Variants in ANKRD44 observed in about 807,000 individuals in gnomAD.
ANKRD44 encodes the protein ankyrin repeat domain 44, also known as serine/threonine-protein phosphatase 6 regulatory ankyrin repeat subunit B.
In ANKRD44, 35 loss-of-function variants were observed where a neutral mutation model predicts 116.0. The ratio of observed to expected loss-of-function variants is 0.30; its 90% CI spans 0.23 to 0.40. The LOEUF is 0.40. ANKRD44 is among the 10% of genes least tolerant of loss of function. The pLI, the probability that ANKRD44 is intolerant of heterozygous loss-of-function variation, is 1.00. For missense variants in ANKRD44, 1,014 were observed against 1,242.6 expected (o/e 0.82, Z 2.77); for synonymous variants, 435 against 461.8 (o/e 0.94, Z 0.74).
At chr2:197,183,565 T>TC (rs1158140171) in intron 2 of ANKRD44, among the ~76,000 whole-genome samples, 1 of 152,152 alleles carries the variant, frequency 6.6e-6, no homozygotes, top group Non-Finnish European at 1.5e-5. Flanking sequence ...TCACTATGAC[T>TC]CATCCCCAAG....
At chr2:197,202,110 G>A (rs560423328) in intron 1 of ANKRD44, among the ~76,000 whole-genome samples, 2 of 152,368 alleles carry the variant, frequency 1.3e-5, no homozygotes, top group South Asian at 2.1e-4. Context: ...GCCTGCCCAG[G>A]CACGCAGAGG....
At chr2:196,985,121 C>T (rs1020454543), downstream of ANKRD44, among the ~76,000 whole-genome samples, 12 of 152,188 alleles carry the variant, frequency 7.9e-5, no homozygotes, top group Non-Finnish European at 1.6e-4. Context: ...TGGCAAGGAA[C>T]GGACGGCAGC....
At chr2:197,196,690 T>C (rs2080957308) in intron 1 of ANKRD44, among the ~76,000 whole-genome samples, 1 of 152,240 alleles carries the variant, frequency 6.6e-6, no homozygotes, top group Non-Finnish European at 1.5e-5. Context: ...AAATCATTCA[T>C]GATTTAGGCA....
chr2:197,012,672 G>T (rs1441742488), intron 18 of ANKRD44, among the ~76,000 whole-genome samples: 2 of 152,008 alleles, frequency 1.3e-5, no homozygotes, highest in South Asian at 4.1e-4. Flanking sequence ...TTTTTACAAG[G>T]TCTATCATTC....
intron 3 of ANKRD44, among the ~76,000 whole-genome samples, chr2:197,142,851 A>G (rs1415902493): frequency 2.6e-5 from 4 of 152,118 alleles, no homozygotes; most frequent in Admixed American, 6.5e-5. Flanking sequence ...GGTTGCATAA[A>G]TTCTATGGCC....
chr2:197,134,047 AG>A (rs1247016042), intron 4 of ANKRD44: 1 of 131,866 alleles, frequency 7.6e-6, no homozygotes, highest in Non-Finnish European at 1.5e-5. Flanking sequence ...TCTGCCTCCC[AG>A]GTTCAAGTGA....
chr2:197,248,554 ATG>A (rs3057750), intron 1 of ANKRD44, among the ~76,000 whole-genome samples: 46,789 of 134,886 alleles, frequency 0.35, 7,925 homozygotes, highest in Middle Eastern at 0.43. Flanking sequence ...ATATATGTAT[ATG>A]TGTGTGTGTG....
At chr2:197,261,197 T>A (rs1236827612) in intron 1 of ANKRD44, among the ~76,000 whole-genome samples, 3 of 151,486 alleles carry the variant, frequency 2.0e-5, no homozygotes, top group Non-Finnish European at 4.4e-5. Context: ...CTTCTAGGGT[T>A]TTTATGGTTT....
intron 16 of ANKRD44, among the ~76,000 whole-genome samples, chr2:197,041,510 T>C (rs985192726): frequency 2.6e-5 from 4 of 152,230 alleles, no homozygotes; most frequent in Non-Finnish European, 2.9e-5. Flanking sequence ...CTTGCTCATT[T>C]TTCTCACTGG....
intron 16 of ANKRD44, among the ~76,000 whole-genome samples, chr2:197,066,628 C>G (rs2125076847): frequency 6.6e-6 from 1 of 152,280 alleles, no homozygotes; most frequent in Non-Finnish European, 1.5e-5. Flanking sequence ...AAATCACAAG[C>G]ATTCTTATAC....
At chr2:197,010,885 A>C (rs1325307692) in intron 18 of ANKRD44, among the ~76,000 whole-genome samples, 2 of 152,244 alleles carry the variant, frequency 1.3e-5, no homozygotes, top group Non-Finnish European at 2.9e-5. Flanking sequence ...GAGAATGCTA[A>C]TTTAACAATG....
chr2:196,989,722 A>C (rs1377731215), intron 27 of ANKRD44, 73 bp from the exon 28 acceptor site: 3 of 1,538,306 alleles, frequency 2.0e-6, no homozygotes, highest in East Asian at 2.5e-5. Context: ...TCGGTTTTAC[A>C]TGCTAAATCA....
intron 21 of ANKRD44, among the ~76,000 whole-genome samples, chr2:196,968,539 G>A (rs929057444): frequency 1.3e-5 from 2 of 152,156 alleles, no homozygotes; most frequent in African/African-American, 4.8e-5. Context: ...CTAGTGGGAG[G>A]AGGAGGATCA....
At chr2:197,275,684 G>C (rs562538939) in intron 1 of ANKRD44, among the ~76,000 whole-genome samples, 2 of 151,978 alleles carry the variant, frequency 1.3e-5, no homozygotes, top group African/African-American at 2.4e-5. Context: ...GCCCCTACAG[G>C]CTTTGGAACC....
intron 1 of ANKRD44, among the ~76,000 whole-genome samples, chr2:197,215,692 G>T (rs2081428028): frequency 6.6e-6 from 1 of 152,174 alleles, no homozygotes; most frequent in Non-Finnish European, 1.5e-5. Context: ...CTCTTTAAAT[G>T]ATATATATTT....
At chr2:197,150,481 G>A (rs181583691) in intron 2 of ANKRD44, among the ~76,000 whole-genome samples, 85 of 152,068 alleles carry the variant, frequency 5.6e-4, no homozygotes, top group Middle Eastern at 3.4e-3. Flanking sequence ...CCCGGGAGGC[G>A]GAGCTTGCAG....
chr2:197,244,253 G>A (rs2712885), intron 1 of ANKRD44, among the ~76,000 whole-genome samples: 34,666 of 152,064 alleles, frequency 0.23, 4,148 homozygotes, highest in Middle Eastern at 0.28. Context: ...TAAATGCTTG[G>A]ACAAGACTCT....
chr2:196,992,087 T>C (rs1272450305), intron 27 of ANKRD44, among the ~76,000 whole-genome samples: 2 of 152,224 alleles, frequency 1.3e-5, no homozygotes, highest in African/African-American at 2.4e-5. Flanking sequence ...AGTCTTTGAC[T>C]TGATTATTTC....
chr2:197,056,682 A>T (rs912841997), intron 16 of ANKRD44, among the ~76,000 whole-genome samples: 14 of 152,168 alleles, frequency 9.2e-5, no homozygotes. Flanking sequence ...AAAAATGATA[A>T]TATTTTGTAA....
Sources: gnomAD v4.1 joint callset for allele counts (sites outside exome capture counted in the v4.1 genomes callset) on GRCh38, gnomAD v4.1.1 for gene constraint, MANE v1.5 for transcripts, NCBI Gene and HGNC (gene_info 2026-07-23, HGNC 2026-07-21) for gene names.